Variants in RAB15 observed in about 807,000 individuals in gnomAD.
RAB15 encodes RAB15, member RAS oncogene family.
RAB15 carries 13 observed loss-of-function variants against 31.8 expected under a neutral mutation model. That is an observed-to-expected ratio of 0.41 (90% CI 0.27 to 0.65). RAB15 has a LOEUF of 0.65. RAB15 is among the 30% of genes least tolerant of loss of function. The pLI is 0.32. For synonymous variants in RAB15, 100 were observed against 105.6 expected (o/e 0.95, Z 0.33); for missense variants, 220 against 277.3 (o/e 0.79, Z 1.47).
rs1885948429 is a variant in RAB15, at chr14:64,946,843, G to A, written c.*1511C>T. The A allele has an allele frequency of 6.6e-6, 1 of 152,594 alleles. No homozygotes were observed. The highest frequency in any genetic ancestry group is 2.1e-4 in the South Asian group (1 of 4,820). 9.5% of individuals were successfully genotyped at this position (152,594 alleles called of 1,614,324 possible). Reference sequence around the variant, plus strand: ...CTTGGGACGGTGGGCAGGAACCCCAGTAGAACTGGTAAATTACTTGTTCCG... The same window carrying A: ...CTTGGGACGGTGGGCAGGAACCCCAATAGAACTGGTAAATTACTTGTTCCG... On this transcript the variant is annotated 3_prime_UTR_variant, in exon 7 of 7. Coordinates refer to ENST00000533601, the MANE Select transcript of RAB15 (RefSeq NM_001308154.2).
Position 64,950,315 on chromosome 14 carries a change from C to T in RAB15, c.414+10G>A, listed in dbSNP as rs775221152. The T allele has an allele frequency of 3.1e-6, 5 of 1,612,414 alleles. No individual in the cohort carries two copies. In the East Asian group the frequency reaches 6.7e-5, roughly 22 times the overall value. On this transcript the variant is annotated intron_variant, in intron 5 of 6. Transcript: ENST00000533601. The surrounding 1 kb of genome is among the most constrained non-coding windows in gnomAD (Gnocchi z 5.6). Reference sequence around the variant, plus strand: ...GACCTGGGGTGGACTTGCCTTTTCCCTCCACTTACCTGCTGCCCTTGCTCT... The same window carrying T: ...GACCTGGGGTGGACTTGCCTTTTCCTTCCACTTACCTGCTGCCCTTGCTCT...
In RAB15 at chr14:64,968,094, A is replaced by G. The variant is rs908577952; in HGVS notation, c.124+3859T>C. Among the ~76,000 whole-genome samples, 2 of 152,150 alleles carry G rather than the reference A, an allele frequency of 1.3e-5. No individual in the cohort carries two copies. The highest frequency in any genetic ancestry group is 4.8e-5 in the African/African-American group (2 of 41,406). ...TTCATTCATTAATTTAACAACAGGC[A>G]TTGAATCTGCCTGGCCCTGTACTAG... On this transcript the variant is annotated intron_variant, in intron 1 of 6. Transcript: ENST00000533601. The surrounding 1 kb of genome is among the most constrained non-coding windows in gnomAD (Gnocchi z 4.9).
At position 64,958,246 on chromosome 14, in the gene RAB15, T is replaced by C; in HGVS notation, c.125-5675A>G. Reference sequence around the variant, plus strand: ...TCCTCCAAAATTCCCATATTGAAACTTAATCCCCAGTGCAGTGCTGGTGGG... The same window carrying C: ...TCCTCCAAAATTCCCATATTGAAACCTAATCCCCAGTGCAGTGCTGGTGGG... On this transcript the variant is annotated intron_variant, in intron 1 of 6. Coordinates refer to ENST00000533601, the MANE Select transcript of RAB15 (RefSeq NM_001308154.2). This position sits in a 1 kb window ranked among gnomAD's most constrained non-coding sequence, Gnocchi z 4.4. 1 of 152,474 alleles carries C rather than the reference T, an allele frequency of 6.6e-6. No individual in the cohort carries two copies. The highest frequency in any genetic ancestry group is 1.5e-5 in the Non-Finnish European group (1 of 68,160). 9.4% of individuals were successfully genotyped at this position (152,474 alleles called of 1,614,324 possible).
In RAB15 at chr14:64,946,131, T is replaced by C. The variant is rs1014603070; in HGVS notation, c.*2223A>G. On this transcript the variant is annotated 3_prime_UTR_variant, in exon 7 of 7. Coordinates refer to ENST00000533601, the MANE Select transcript of RAB15 (RefSeq NM_001308154.2). ...AATTCTCCTTCTGCTCCCATACCTT[T>C]TCCCAGTCATGGCCCTTGTGGATAG... The C allele has an allele frequency of 2.6e-5, 4 of 152,504 alleles. No homozygotes were observed. Among genetic ancestry groups the C allele is most frequent in the African/African-American group, 4.8e-5 (2 of 41,450 alleles). The allele number at this position is 152,504 out of a possible 1,614,324, so 9.4% of individuals were successfully genotyped here. A position where few individuals can be genotyped will look rare whatever the true frequency, so the allele number is the denominator to read the frequency against.
At chr14:64,959,521 G>C (rs933268920) in intron 1 of RAB15, among the ~76,000 whole-genome samples, 1 of 152,112 alleles carries the variant, frequency 6.6e-6, no homozygotes, top group Non-Finnish European at 1.5e-5. Flanking sequence ...CTGCCACATA[G>C]TGCCAGCATA....
rs967250877 is a variant in RAB15, at chr14:64,955,386, C to T, written c.125-2815G>A. 2.0e-5 allele frequency among the ~76,000 whole-genome samples: 3 copies of T among 152,216 alleles called. No individual in the cohort carries two copies. Among genetic ancestry groups the T allele is most frequent in the African/African-American group, 7.2e-5 (3 of 41,452 alleles). ...CAGTCAAGCCCTGGCCCCAGTAACC[C>T]GTGCCCATCGTGGCTCCTTCCCTCT... On this transcript the variant is annotated intron_variant, in intron 1 of 6. Coordinates refer to ENST00000533601, the MANE Select transcript of RAB15 (RefSeq NM_001308154.2). The surrounding 1 kb of genome is among the most constrained non-coding windows in gnomAD (Gnocchi z 4.4).
In RAB15 at chr14:64,948,858, T is replaced by C; in HGVS notation, c.415-125A>G. 1 of 825,308 alleles carries C rather than the reference T, an allele frequency of 1.2e-6. No individual in the cohort carries two copies. The highest frequency in any genetic ancestry group is 2.3e-5 in the Admixed American group (1 of 44,226). 51.1% of individuals were successfully genotyped at this position (825,308 alleles called of 1,614,324 possible). A position where few individuals can be genotyped will look rare whatever the true frequency, so the allele number is the denominator to read the frequency against. ...TGTTGTGACGATTTCTCAGAGTAGA[T>C]AATTTCTCAGATGGGACTGGGAGCT... On this transcript the variant is annotated intron_variant, in intron 5 of 6. Coordinates refer to ENST00000533601, the MANE Select transcript of RAB15 (RefSeq NM_001308154.2). The surrounding 1 kb of genome is among the most constrained non-coding windows in gnomAD (Gnocchi z 7.0).
intron 5 of RAB15, among the ~76,000 whole-genome samples, chr14:64,949,551 T>C (rs1391428321): frequency 2.0e-5 from 3 of 151,702 alleles, no homozygotes; most frequent in African/African-American, 7.3e-5. Context: ...CAAAACCCCA[T>C]CTCTACTAAA....
In RAB15 at chr14:64,972,135, C is replaced by G; in HGVS notation, c.-59G>C. ...GGCAGCGGGCTCAGCCCTGCTCCGC[C>G]GCTGCCATCGCGGCCCGCGCCCGCC... On this transcript the variant is annotated 5_prime_UTR_variant, in exon 1 of 7. Transcript: ENST00000533601. The surrounding 1 kb of genome is among the most constrained non-coding windows in gnomAD (Gnocchi z 6.3). 1 of 1,262,200 alleles carries G rather than the reference C, an allele frequency of 7.9e-7. No homozygotes were observed. The highest frequency in any genetic ancestry group is 1.0e-6 in the Non-Finnish European group (1 of 1,001,390). The allele number at this position is 1,262,200 out of a possible 1,614,324, so 78.2% of individuals were successfully genotyped here. A position where few individuals can be genotyped will look rare whatever the true frequency, so the allele number is the denominator to read the frequency against.
chr14:64,969,330 C>A (rs577492699), intron 1 of RAB15, among the ~76,000 whole-genome samples: 2 of 152,306 alleles, frequency 1.3e-5, no homozygotes, highest in Middle Eastern at 3.4e-3. Flanking sequence ...GCCCCTTCTA[C>A]CTCCTTGAGA....
chr14:64,951,824 A>G lies in RAB15; in HGVS notation c.186-161T>C, dbSNP rs1200959981. Among the ~76,000 whole-genome samples the G allele has an allele frequency of 6.6e-6, 1 of 152,220 alleles. No individual in the cohort carries two copies. The highest frequency in any genetic ancestry group is 1.5e-5 in the Non-Finnish European group (1 of 68,020). Reference sequence around the variant, plus strand: ...GGGATCTGCAGTCAGAGGCCTGGTCATCTGTGCTGGTGCTGACCAGGCCTG... The same window carrying G: ...GGGATCTGCAGTCAGAGGCCTGGTCGTCTGTGCTGGTGCTGACCAGGCCTG... On this transcript the variant is annotated intron_variant, in intron 2 of 6. Coordinates refer to ENST00000533601, the MANE Select transcript of RAB15 (RefSeq NM_001308154.2). The surrounding 1 kb of genome is among the most constrained non-coding windows in gnomAD (Gnocchi z 7.2).
In RAB15 at chr14:64,971,794, A is replaced by T. The variant is rs1887432853; in HGVS notation, c.124+159T>A. ...GCAGCAGGGACACCCTCACCTGCCA[A>T]AACCTATGCTCACCCCGAGATTTAT... On this transcript the variant is annotated intron_variant, in intron 1 of 6. Transcript: ENST00000533601. The surrounding 1 kb of genome is among the most constrained non-coding windows in gnomAD (Gnocchi z 4.1). 1.4e-6 allele frequency: 1 copy of T among 696,856 alleles called. No homozygotes were observed. The highest frequency in any genetic ancestry group is 2.3e-6 in the Non-Finnish European group (1 of 425,766). The allele number at this position is 696,856 out of a possible 1,614,324, so 43.2% of individuals were successfully genotyped here.
rs73281761 is a variant in RAB15 at position 64,948,091 on chromosome 14, G to A, written c.*263C>T. 0.013 allele frequency: 5,533 copies of A among 410,134 alleles called. 148 individuals carry two copies. Among genetic ancestry groups the A allele is most frequent in the African/African-American group, 0.075 (3,639 of 48,786 alleles). 25.4% of individuals were successfully genotyped at this position (410,134 alleles called of 1,614,324 possible). On this transcript the variant is annotated 3_prime_UTR_variant, in exon 7 of 7. Transcript: ENST00000533601. The surrounding 1 kb of genome is among the most constrained non-coding windows in gnomAD (Gnocchi z 7.0). ...TGCGGGATGGTGAGACAGTGCTTGC[G>A]GCACATCGTGGGGGTCGTAGCAGGC...
chr14:64,951,182 A>G lies in RAB15; in HGVS notation c.247-31T>C. 1 of 1,570,708 alleles carries G rather than the reference A, an allele frequency of 6.4e-7. No homozygotes were observed. The highest frequency in any genetic ancestry group is 1.1e-5 in the South Asian group (1 of 90,026). On this transcript the variant is annotated intron_variant, in intron 3 of 6. Transcript: ENST00000533601. The surrounding 1 kb of genome is among the most constrained non-coding windows in gnomAD (Gnocchi z 7.2). ...AGAGAGAGAAATAGAGAGATGTGAT[A>G]TGCACAGAGAGAGTGCAGTCATGGG...
intron 1 of RAB15, among the ~76,000 whole-genome samples, chr14:64,964,053 AGACTCTCACT>A (rs1886993449): frequency 1.3e-5 from 2 of 152,196 alleles, no homozygotes; most frequent in Non-Finnish European, 2.9e-5. Flanking sequence ...TGTTCACTTC[AGACTCTCACT>A]GCCTGGCAGC....
chr14:64,965,139 C>G lies in RAB15; in HGVS notation c.124+6814G>C, dbSNP rs149962165. On this transcript the variant is annotated intron_variant, in intron 1 of 6. Coordinates refer to ENST00000533601, the MANE Select transcript of RAB15 (RefSeq NM_001308154.2). ...TTAAAAAGTGTTTTTGTTTTGTTTT[C>G]TTTTCTTTTCTTTTTGTTTTTTTAA... Among the ~76,000 whole-genome samples, 483 of 152,194 alleles carry G rather than the reference C, an allele frequency of 3.2e-3. 3 individuals are homozygous for G. The highest frequency in any genetic ancestry group is 9.2e-3 in the African/African-American group (384 of 41,530).
At position 64,950,274 on chromosome 14, in the gene RAB15, T is replaced by G; in HGVS notation, c.414+51A>C. 6.8e-7 allele frequency: 1 copy of G among 1,475,480 alleles called. No homozygotes were observed. The highest frequency in any genetic ancestry group is 9.5e-7 in the Non-Finnish European group (1 of 1,054,810). The allele number at this position is 1,475,480 out of a possible 1,614,324, so 91.4% of individuals were successfully genotyped here. On this transcript the variant is annotated intron_variant, in intron 5 of 6. Transcript: ENST00000533601. The surrounding 1 kb of genome is among the most constrained non-coding windows in gnomAD (Gnocchi z 5.6). ...AGGTCCCCACGCTCAGGACTGGCCCTGGAGGCCCAGCAGAGGACCTGGGGT... is the reference window on the plus strand; with the variant it reads ...AGGTCCCCACGCTCAGGACTGGCCCGGGAGGCCCAGCAGAGGACCTGGGGT...
chr14:64,963,608 G>A (rs928162872), intron 1 of RAB15, among the ~76,000 whole-genome samples: 1 of 152,204 alleles, frequency 6.6e-6, no homozygotes, highest in African/African-American at 2.4e-5. Context: ...CTAGGACATA[G>A]AAACTCAGGA....
chr14:64,968,763 T>C lies in RAB15; in HGVS notation c.124+3190A>G, dbSNP rs1887267616. Among the ~76,000 whole-genome samples, 1 of 152,118 alleles carries C rather than the reference T, an allele frequency of 6.6e-6. No homozygotes were observed. Among genetic ancestry groups the C allele is most frequent in the Admixed American group, 6.5e-5 (1 of 15,274 alleles). Reference sequence around the variant, plus strand: ...GAATGCTCAATTAATTTGTTTAAGGTAGTATTTTGGGGACCCCTTCGCACC... The same window carrying C: ...GAATGCTCAATTAATTTGTTTAAGGCAGTATTTTGGGGACCCCTTCGCACC... On this transcript the variant is annotated intron_variant, in intron 1 of 6. Coordinates refer to ENST00000533601, the MANE Select transcript of RAB15 (RefSeq NM_001308154.2). The surrounding 1 kb of genome is among the most constrained non-coding windows in gnomAD (Gnocchi z 4.9).
Sources: allele counts gnomAD v4.1 joint callset (sites outside exome capture counted in the v4.1 genomes callset), GRCh38; gene constraint gnomAD v4.1.1; non-coding constraint Gnocchi (gnomAD v3.1); transcripts MANE v1.5; gene names NCBI Gene and HGNC (gene_info 2026-07-23, HGNC 2026-07-21).